The following TDRD9 variants were observed in gnomAD, a reference collection of about 807,000 sequenced individuals.
TDRD9 encodes tudor domain containing 9.
Under a neutral mutation model 172.6 loss-of-function variants are expected in TDRD9, and 124 were observed. That is an observed-to-expected ratio of 0.72 (90% CI 0.62 to 0.83). The LOEUF (loss-of-function observed/expected upper bound fraction) is 0.83. Ranked by LOEUF, TDRD9 falls within the 40% of genes least tolerant of loss-of-function variation. The pLI, the probability that TDRD9 is intolerant of heterozygous loss-of-function variation, is 0.00. For synonymous variants in TDRD9, 619 were observed against 617.1 expected (o/e 1.00, Z -0.05); for missense variants, 1,479 against 1,714.1 (o/e 0.86, Z 2.42).
intron 25 of TDRD9, among the ~76,000 whole-genome samples, chr14:104,025,359 A>G (rs1245219750): frequency 6.6e-6 from 1 of 152,218 alleles, no homozygotes; most frequent in Non-Finnish European, 1.5e-5. Flanking sequence ...TATATTCCAC[A>G]CATTTCCTTA....
rs1171837796 is a variant in TDRD9 at position 104,022,144 on chromosome 14, A to G, written c.2433-13A>G. 3 of 1,542,314 alleles carry G rather than the reference A, an allele frequency of 1.9e-6. No homozygotes were observed. Among genetic ancestry groups the G allele is most frequent in the Non-Finnish European group, 2.6e-6 (3 of 1,144,192 alleles). ...CTGATAAATTTATTTTTAAATTTACATTTGTGGAACAGAGCCTTTGTGGAA... is the reference window on the plus strand; with the variant it reads ...CTGATAAATTTATTTTTAAATTTACGTTTGTGGAACAGAGCCTTTGTGGAA... On this transcript the variant is annotated splice_polypyrimidine_tract_variant and intron_variant, in intron 23 of 35. Coordinates refer to ENST00000409874, the MANE Select transcript of TDRD9 (RefSeq NM_153046.3).
At chr14:103,984,446 A>G (rs1595946884) in intron 7 of TDRD9, among the ~76,000 whole-genome samples, 1 of 152,190 alleles carries the variant, frequency 6.6e-6, no homozygotes, top group Non-Finnish European at 1.5e-5. Flanking sequence ...GTTATGGCTG[A>G]AAGAGGCCAA....
chr14:104,032,358 C>T (rs1054565855), intron 30 of TDRD9, among the ~76,000 whole-genome samples: 9 of 152,114 alleles, frequency 5.9e-5, no homozygotes, highest in African/African-American at 1.9e-4. Flanking sequence ...AGGCACGTGC[C>T]ACCACACCTG....
intron 1 of TDRD9, among the ~76,000 whole-genome samples, chr14:103,948,998 G>A (rs2031721622): frequency 6.6e-6 from 1 of 151,976 alleles, no homozygotes; most frequent in Non-Finnish European, 1.5e-5. Flanking sequence ...AATGGTATTT[G>A]TTGGTGGCTA....
At position 103,999,641 on chromosome 14, in the gene TDRD9, A is replaced by T. The variant is rs1267818041; in HGVS notation, c.1483+913A>T. 8.7e-5 allele frequency among the ~76,000 whole-genome samples: 11 copies of T among 125,748 alleles called. 1 individual carries two copies. The highest frequency in any genetic ancestry group is 9.3e-5 in the African/African-American group (3 of 32,388). The allele number at this position is 125,748 out of a possible 152,430, so 82.5% of individuals were successfully genotyped here. ...TGGCTTTTTTTTTTGTTTGTTTTTT[A>T]GAAAACCTTTTGGGAAGGGTAGATA... On this transcript the variant is annotated intron_variant, in intron 13 of 35. Transcript: ENST00000409874.
At chr14:103,975,699 T>C (rs932048093) in intron 7 of TDRD9, 146 bp downstream of exon 7, 1 of 818,402 alleles carries the variant, frequency 1.2e-6, no homozygotes, top group African/African-American at 1.7e-5. Flanking sequence ...TTATGGAGTA[T>C]AGTGTGGTAT....
intron 22 of TDRD9, 132 bp downstream of exon 22, chr14:104,016,220 T>A: frequency 1.6e-6 from 1 of 636,688 alleles, no homozygotes; most frequent in South Asian, 2.2e-5. Flanking sequence ...GTTTGGCCTT[T>A]TCAGGTGTAT....
intron 5 of TDRD9, among the ~76,000 whole-genome samples, chr14:103,968,755 C>CACT (rs1363175917): frequency 1.0e-5 from 1 of 97,382 alleles, no homozygotes; most frequent in Non-Finnish European, 2.0e-5. Context: ...GAGATTGCGC[C>CACT]ACTGCACTCC....
At chr14:104,005,107 C>T in intron 14 of TDRD9, 167 bp from the exon 15 acceptor site, 1 of 534,832 alleles carries the variant, frequency 1.9e-6, no homozygotes, top group East Asian at 3.2e-5. Context: ...CCTGTTCTTT[C>T]TTCTTCTCTC....
intron 2 of TDRD9, among the ~76,000 whole-genome samples, chr14:103,960,573 T>C (rs182041306): frequency 6.6e-6 from 1 of 152,374 alleles, no homozygotes; most frequent in Admixed American, 6.5e-5. Context: ...CTTATTCTGT[T>C]GCTGATGCAA....
intron 2 of TDRD9, among the ~76,000 whole-genome samples, chr14:103,961,478 G>T (rs977121817): frequency 6.6e-6 from 1 of 151,734 alleles, no homozygotes; most frequent in Non-Finnish European, 1.5e-5. Context: ...GAGGAGAATC[G>T]CTTGAACCCA....
At chr14:103,957,578 A>AC (rs2032305645) in intron 2 of TDRD9, among the ~76,000 whole-genome samples, 1 of 152,246 alleles carries the variant, frequency 6.6e-6, no homozygotes, top group Admixed American at 6.5e-5. Flanking sequence ...ATGCCAGTGA[A>AC]CAGAGGATTG....
chr14:103,973,861 G>A (rs2033133859), intron 6 of TDRD9, among the ~76,000 whole-genome samples: 1 of 152,128 alleles, frequency 6.6e-6, no homozygotes. Flanking sequence ...AAATACAGAT[G>A]TTTTCTTTAC....
intron 5 of TDRD9, among the ~76,000 whole-genome samples, chr14:103,967,347 CAAAAAAAAAAAAA>C (rs11444885): frequency 2.0e-5 from 1 of 49,732 alleles, no homozygotes; most frequent in Non-Finnish European, 3.3e-5. Context: ...ACTAAAAATA[CAAAAAAAAAAAAA>C]AAAAAAAAAA....
chr14:103,996,514 A>G (rs1367471140), intron 12 of TDRD9, among the ~76,000 whole-genome samples: 4 of 152,290 alleles, frequency 2.6e-5, no homozygotes, highest in East Asian at 1.9e-4. Context: ...GATAGGAATT[A>G]CCTCTTTGAG....
Position 104,005,321 on chromosome 14 carries a change from G to C in TDRD9, c.1629G>C (p.Met543Ile). 6.2e-7 allele frequency: 1 copy of C among 1,613,932 alleles called. No individual in the cohort carries two copies. Among genetic ancestry groups the C allele is most frequent in the Non-Finnish European group, 8.5e-7 (1 of 1,179,852 alleles). The change falls in exon 15 of 36, where the codon ATG becomes ATC. Residue 543 changes from methionine (M) to isoleucine (I), a missense_variant. Met to Ile is a conservative substitution (Grantham distance 10). Coordinates refer to ENST00000409874, the MANE Select transcript of TDRD9 (RefSeq NM_153046.3). Reference sequence around the variant, plus strand: ...TCTTGAAAGTGAAATTACTTGACATGGGTGAGCCGAGAGCTCTGCTGGCCA... The same window carrying C: ...TCTTGAAAGTGAAATTACTTGACATCGGTGAGCCGAGAGCTCTGCTGGCCA... Reference protein sequence around the residue: ...STILKVKLLDMGEPRALLATA... With the variant: ...STILKVKLLDIGEPRALLATA...
chr14:103,965,561 C>T lies in TDRD9; in HGVS notation c.642+7C>T. On this transcript the variant is annotated splice_region_variant and intron_variant, in intron 4 of 35. Coordinates refer to ENST00000409874, the MANE Select transcript of TDRD9 (RefSeq NM_153046.3). ...AGGTGTGGTGGGCTACCAGGTGAGACTGGGAGGGAGGGAGGGACTAAGAGA... is the reference window on the plus strand; with the variant it reads ...AGGTGTGGTGGGCTACCAGGTGAGATTGGGAGGGAGGGAGGGACTAAGAGA... 2 of 1,309,864 alleles carry T rather than the reference C, an allele frequency of 1.5e-6. No individual in the cohort carries two copies. Among genetic ancestry groups the T allele is most frequent in the Non-Finnish European group, 2.1e-6 (2 of 960,748 alleles). The allele number at this position is 1,309,864 out of a possible 1,614,324, so 81.1% of individuals were successfully genotyped here.
chr14:103,998,729 G>A lies in TDRD9; in HGVS notation c.1483+1G>A. The A allele has an allele frequency of 6.7e-7, 1 of 1,501,672 alleles. No homozygotes were observed. The highest frequency in any genetic ancestry group is 9.3e-7 in the Non-Finnish European group (1 of 1,077,928). The allele number at this position is 1,501,672 out of a possible 1,614,324, so 93.0% of individuals were successfully genotyped here. A position where few individuals can be genotyped will look rare whatever the true frequency, so the allele number is the denominator to read the frequency against. ...AAAACCAGCTGTAATCAGAGAAAAG[G>A]TAAGACATTTGTGTTAAAGCACAAT... On this transcript the variant is annotated splice_donor_variant, in intron 13 of 35. Transcript: ENST00000409874. LOFTEE classifies it high-confidence loss of function.
intron 1 of TDRD9, among the ~76,000 whole-genome samples, chr14:103,952,175 T>TGC (rs1265287888): frequency 1.8e-5 from 2 of 110,112 alleles, no homozygotes; most frequent in Non-Finnish European, 2.0e-5. Flanking sequence ...TGTATATATG[T>TGC]GTGTGCGTGT....
Sources: allele counts gnomAD v4.1 joint callset (sites outside exome capture counted in the v4.1 genomes callset), GRCh38; gene constraint gnomAD v4.1.1; transcripts MANE v1.5; gene names NCBI Gene and HGNC (gene_info 2026-07-23, HGNC 2026-07-21).